OBP2B: variants seen among roughly 807,000 people sequenced by gnomAD.
OBP2B encodes the protein odorant binding protein 2B.
A neutral mutation model predicts 21.7 loss-of-function variants in OBP2B; 10 were observed. The observed-to-expected ratio is 0.46, with a 90% CI of 0.28 to 0.78. The LOEUF is 0.78. Ranked by LOEUF, OBP2B falls within the 30% of genes least tolerant of loss-of-function variation. OBP2B has a pLI of 0.11. For synonymous variants in OBP2B, 73 were observed against 91.5 expected (o/e 0.80, Z 1.16); for missense variants, 153 against 217.7 (o/e 0.70, Z 1.87).
chr9:133,220,386 C>T, the OBP2B span, among the ~76,000 whole-genome samples: 1 of 152,244 alleles, frequency 6.6e-6, no homozygotes, highest in Non-Finnish European at 1.5e-5. Context: ...TCCATTAGGA[C>T]ACATCACTCC....
chr9:133,220,382 A>G, the OBP2B span, among the ~76,000 whole-genome samples: 43 of 152,370 alleles, frequency 2.8e-4, no homozygotes, highest in South Asian at 7.9e-3. Flanking sequence ...GCGCTCCATT[A>G]GGACACATCA....
intron 3 of OBP2B, among the ~76,000 whole-genome samples, chr9:133,207,590 C>T (rs1360786884): frequency 6.6e-5 from 10 of 152,262 alleles, no homozygotes; most frequent in Middle Eastern, 3.4e-3. Context: ...AGCAGCTGCT[C>T]CTGCCCCACT....
At chr9:133,212,561 C>T (rs1833926763), upstream of OBP2B, among the ~76,000 whole-genome samples, 1 of 152,230 alleles carries the variant, frequency 6.6e-6, no homozygotes, top group South Asian at 2.1e-4. Context: ...AAACAACACA[C>T]CTGTGAATAA....
chr9:133,209,479 C>T (rs1833864181), upstream of OBP2B, among the ~76,000 whole-genome samples: 1 of 152,176 alleles, frequency 6.6e-6, no homozygotes, highest in Non-Finnish European at 1.5e-5. This position sits in a 1 kb window ranked among gnomAD's most constrained non-coding sequence, Gnocchi z 6.0. Context: ...CTCAGATGAG[C>T]CCAGAGGACT....
At chr9:133,210,293 C>T (rs1324405726), upstream of OBP2B, among the ~76,000 whole-genome samples, 1 of 152,174 alleles carries the variant, frequency 6.6e-6, no homozygotes, top group African/African-American at 2.4e-5. Context: ...CACACAATGG[C>T]ATCTTTGTGC....
chr9:133,206,113 C>T (rs1237328340), intron 5 of OBP2B, among the ~76,000 whole-genome samples, 173 bp from the exon 6 acceptor site: 4 of 152,048 alleles, frequency 2.6e-5, no homozygotes, highest in Admixed American at 1.3e-4. Flanking sequence ...GCCCAGAGCG[C>T]GGAGCCCCAG....
the OBP2B span, among the ~76,000 whole-genome samples, chr9:133,215,021 C>T: frequency 6.6e-6 from 1 of 152,082 alleles, no homozygotes; most frequent in Non-Finnish European, 1.5e-5. Context: ...TCCCAAGAAA[C>T]TGAAAAACAA....
At chr9:133,208,315 C>T (rs1362727924) in intron 2 of OBP2B, 112 bp from the exon 3 acceptor site, 3 of 1,598,064 alleles carry the variant, frequency 1.9e-6, no homozygotes, top group Non-Finnish European at 1.7e-6. Flanking sequence ...CTGCCCCCCA[C>T]CCCACCGAGC....
At chr9:133,208,419 G>A (rs1833815145) in intron 2 of OBP2B, 50 bp downstream of exon 2, 8 of 1,597,362 alleles carry the variant, frequency 5.0e-6, no homozygotes, top group African/African-American at 4.0e-5. Flanking sequence ...GGTGGATCTG[G>A]GGAGGGGAGC....
chr9:133,207,732 CT>C, intron 3 of OBP2B: 1 of 721,300 alleles, frequency 1.4e-6, no homozygotes, highest in Non-Finnish European at 2.2e-6. Context: ...TTCCCGATCC[CT>C]AACCCTTGGC....
chr9:133,213,325 G>C (rs1833939190), upstream of OBP2B, among the ~76,000 whole-genome samples: 1 of 152,140 alleles, frequency 6.6e-6, no homozygotes, highest in African/African-American at 2.4e-5. Context: ...TATTAGAAAA[G>C]AGAAGTCCAA....
intron 5 of OBP2B, 82 bp downstream of exon 5, chr9:133,206,223 GGGACATGGGA>G (rs1175919582): frequency 1.4e-6 from 2 of 1,395,666 alleles, no homozygotes; most frequent in Non-Finnish European, 2.0e-6. Context: ...GGGAATGCGG[GGGACATGGGA>G]GGACATGGGG....
upstream of OBP2B, among the ~76,000 whole-genome samples, chr9:133,210,495 A>G (rs189984744): frequency 3.2e-3 from 482 of 151,438 alleles, 2 homozygotes; most frequent in African/African-American, 0.011. Flanking sequence ...TGGGCTCTTC[A>G]GGACCAGAGA....
chr9:133,220,814 G>T, the OBP2B span, among the ~76,000 whole-genome samples: 1 of 152,338 alleles, frequency 6.6e-6, no homozygotes. Context: ...TTATCACAGG[G>T]GCCCTTATAG....
the OBP2B span, among the ~76,000 whole-genome samples, chr9:133,215,639 C>A: frequency 1.4e-3 from 213 of 152,254 alleles, no homozygotes; most frequent in Non-Finnish European, 2.7e-3. Context: ...CTGCCTCCGC[C>A]TCCCAAGTAG....
the OBP2B span, among the ~76,000 whole-genome samples, chr9:133,215,139 G>A: frequency 0.028 from 4,219 of 152,052 alleles, 196 homozygotes; most frequent in African/African-American, 0.097. Context: ...TACTAGTAAC[G>A]GACCCTAAAC....
chr9:133,216,288 G>A, the OBP2B span, among the ~76,000 whole-genome samples: 1 of 150,922 alleles, frequency 6.6e-6, no homozygotes, highest in South Asian at 2.1e-4. Context: ...CACTTGACTA[G>A]AGAGGATATA....
At chr9:133,213,616 C>A (rs1833942424), upstream of OBP2B, among the ~76,000 whole-genome samples, 1 of 152,172 alleles carries the variant, frequency 6.6e-6, no homozygotes, top group Admixed American at 6.5e-5. Flanking sequence ...CAGAGACTAT[C>A]ACTACAGACC....
upstream of OBP2B, among the ~76,000 whole-genome samples, chr9:133,210,954 G>C (rs1420259775): frequency 6.6e-6 from 1 of 152,164 alleles, no homozygotes; most frequent in African/African-American, 2.4e-5. Flanking sequence ...GGATGGCTGT[G>C]TTCCTTCTGA....
Sources: gnomAD v4.1 joint callset for allele counts (sites outside exome capture counted in the v4.1 genomes callset) on GRCh38, gnomAD v4.1.1 for gene constraint, Gnocchi (gnomAD v3.1) non-coding constraint, MANE v1.5 for transcripts, NCBI Gene and HGNC (gene_info 2026-07-23, HGNC 2026-07-21) for gene names.